SPTBN5: variants seen among roughly 807,000 people sequenced by gnomAD.
SPTBN5 encodes the protein spectrin beta chain, non-erythrocytic 5.
A neutral mutation model predicts 477.6 loss-of-function variants in SPTBN5; 513 were observed. That is an observed-to-expected ratio of 1.07 (90% CI 1.00 to 1.16). The LOEUF is 1.16. SPTBN5 is among the 50% of genes most tolerant of loss of function. SPTBN5 has a pLI of 0.00. For missense variants in SPTBN5, 5,062 were observed against 4,731.8 expected, an observed-to-expected ratio of 1.07 and a Z score of -2.05; for synonymous variants, 2,169 against 2,011.7, an observed-to-expected ratio of 1.08 and a Z score of -2.09.
rs373502454 is a variant in SPTBN5 at position 41,868,568 on chromosome 15, G to T, written c.5887C>A (p.Arg1963Ser). 1.2e-6 allele frequency: 2 copies of T among 1,601,906 alleles called. No individual in the cohort carries two copies. The highest frequency in any genetic ancestry group is 2.2e-5 in the East Asian group (1 of 44,870). ...RDYASWAARV[R>S]QDLQVEESSQ... is the part of the protein sequence containing the mutation. ...CTCTCCTCCACCTGCAGGTCCTGGCGCACGCGGGCTGCCCAGGAGGCATAG... is the reference window on the plus strand; with the variant it reads ...CTCTCCTCCACCTGCAGGTCCTGGCTCACGCGGGCTGCCCAGGAGGCATAG... The change falls in exon 33 of 68, where the codon CGC becomes AGC. Residue 1963 changes from arginine to serine, a missense_variant. Arg to Ser is a moderately radical substitution (Grantham distance 110). Transcript: ENST00000320955.
chr15:41,875,715 G>A (rs2066701691), intron 21 of SPTBN5, 93 bp from the exon 22 acceptor site: 1 of 1,331,760 alleles, frequency 7.5e-7, no homozygotes, highest in African/African-American at 1.5e-5. Flanking sequence ...GTGGAGGTGA[G>A]GGGGTGACCA....
In SPTBN5 at chr15:41,893,075, AG is replaced by A. The variant is rs774650736; in HGVS notation, c.217-15del. On this transcript the variant is annotated splice_polypyrimidine_tract_variant and intron_variant, in intron 2 of 67. Coordinates refer to ENST00000320955, the MANE Select transcript of SPTBN5 (RefSeq NM_016642.4). ...CTTGATGCCCGCCTGGGGAGGGGAC[AG>A]GGGTAAGTATGGGGTCAGCCCAGCC... is the stretch of plus-strand genomic sequence containing the variant. 1 of 1,608,426 alleles carries A rather than the reference AG, an allele frequency of 6.2e-7. No individual in the cohort carries two copies. The highest frequency in any genetic ancestry group is 2.2e-5 in the East Asian group (1 of 44,806).
At chr15:41,852,501 C>G in intron 61 of SPTBN5, 133 bp downstream of exon 61, 1 of 1,301,074 alleles carries the variant, frequency 7.7e-7, no homozygotes, top group Non-Finnish European at 1.1e-6. Context: ...CTCCCACCAC[C>G]GCAGCTGGCC....
chr15:41,882,363 T>C lies in SPTBN5; in HGVS notation c.2153A>G (p.Glu718Gly). 6.5e-7 allele frequency: 1 copy of C among 1,535,906 alleles called. No individual in the cohort carries two copies. Residue 718 changes from glutamate to glycine, a missense_variant, in exon 11 of 68, where the codon GAA (glutamate) becomes GGA (glycine). Glu to Gly is a moderately conservative substitution (Grantham distance 98, BLOSUM62 -2). Coordinates refer to ENST00000320955, the MANE Select transcript of SPTBN5 (RefSeq NM_016642.4). The stretch of plus-strand genomic sequence containing the variant: ...CCCTCCCTGAACGGCCTCTGCCCGT[T>C]CCCCGGGATCCGGCTGCGTTGGGGG... ...RRPPTQPDPGERAEAVQGGWQ... is the reference protein window; with the variant it reads ...RRPPTQPDPGGRAEAVQGGWQ...
At chr15:41,880,867 T>A (rs2140958405) in intron 13 of SPTBN5, among the ~76,000 whole-genome samples, 167 bp downstream of exon 13, 1 of 152,300 alleles carries the variant, frequency 6.6e-6, no homozygotes, top group East Asian at 1.9e-4. Flanking sequence ...TCTCATGTGA[T>A]CCCATCACAC....
At chr15:41,881,309 T>C (rs2066943966) in intron 12 of SPTBN5, 75 bp from the exon 13 acceptor site, 6 of 1,286,262 alleles carry the variant, frequency 4.7e-6, no homozygotes, top group Non-Finnish European at 6.5e-6. Flanking sequence ...CACCCCTACC[T>C]CCGTGCCCTG....
At position 41,858,687 on chromosome 15, in the gene SPTBN5, G is replaced by A. The variant is rs766823821; in HGVS notation, c.8141C>T (p.Ala2714Val). 1.9e-6 allele frequency: 3 copies of A among 1,610,124 alleles called. No individual in the cohort carries two copies. The highest frequency in any genetic ancestry group is 1.7e-4 in the Middle Eastern group (1 of 6,058). The change falls in exon 49 of 68, where the codon GCC (alanine) becomes GTC (valine). Residue 2714 changes from alanine to valine, a missense_variant. Ala to Val is a moderately conservative substitution (Grantham distance 64, BLOSUM62 0). Coordinates refer to ENST00000320955, the MANE Select transcript of SPTBN5 (RefSeq NM_016642.4). Reference protein sequence around the residue: ...VALEEGLLDTAMLPAQLQKQQ... With the variant: ...VALEEGLLDTVMLPAQLQKQQ... ...CTTCTGTAACTGTGCTGGCAGCATGGCTGTGTCCAGCAAACCCTCCTCCAA... is the reference window on the plus strand; with the variant it reads ...CTTCTGTAACTGTGCTGGCAGCATGACTGTGTCCAGCAAACCCTCCTCCAA...
intron 6 of SPTBN5, 137 bp downstream of exon 6, chr15:41,887,076 C>G (rs1345767173): frequency 1.3e-6 from 1 of 754,730 alleles, no homozygotes; most frequent in Non-Finnish European, 2.3e-6. Flanking sequence ...TCATCATCTC[C>G]ATGTGATAGA....
chr15:41,883,670 G>C (rs1215172253), intron 7 of SPTBN5, among the ~76,000 whole-genome samples, 184 bp from the exon 8 acceptor site: 2 of 152,220 alleles, frequency 1.3e-5, no homozygotes, highest in Admixed American at 1.3e-4. Context: ...CCTACCTTTG[G>C]ACACATGCAG....
In SPTBN5 at chr15:41,878,219, C is replaced by A. The variant is rs568083265; in HGVS notation, c.3470+123G>T. 45 of 1,204,244 alleles carry A rather than the reference C, an allele frequency of 3.7e-5. No individual in the cohort carries two copies. In the South Asian group the frequency reaches 6.5e-4, roughly 17 times the overall value. The allele number at this position is 1,204,244 out of a possible 1,614,324, so 74.6% of individuals were successfully genotyped here. ...CCTCAAGCAGCATGCCAGACACCAACCAGTCTGGGCCCCTCCCTGGGGAAA... is the reference window on the plus strand; with the variant it reads ...CCTCAAGCAGCATGCCAGACACCAAACAGTCTGGGCCCCTCCCTGGGGAAA... On this transcript the variant is annotated intron_variant, in intron 17 of 67. Coordinates refer to ENST00000320955, the MANE Select transcript of SPTBN5 (RefSeq NM_016642.4).
chr15:41,867,869 A>T lies in SPTBN5; in HGVS notation c.6207+200T>A, dbSNP rs140063162. On this transcript the variant is annotated intron_variant, in intron 34 of 67. Coordinates refer to ENST00000320955, the MANE Select transcript of SPTBN5 (RefSeq NM_016642.4). ...CCTCTGGCCAACTTCCTCGGGGCTC[A>T]GTCTGGGATAGGGGCTGGGGATGTC... Among the ~76,000 whole-genome samples, 132 of 152,340 alleles carry T rather than the reference A, an allele frequency of 8.7e-4. 1 individual carries two copies. The highest frequency in any genetic ancestry group is 3.0e-3 in the African/African-American group (125 of 41,590).
Position 41,868,609 on chromosome 15 carries a change from C to T in SPTBN5, c.5854-8G>A, listed in dbSNP as rs769689723. On this transcript the variant is annotated splice_region_variant and splice_polypyrimidine_tract_variant and intron_variant, in intron 32 of 67. Transcript: ENST00000320955. ...GGAGGCATAGTCACGCACCTGATCC[C>T]GGGGACACGGAGGGAGAGCCGGGTG... 25 of 1,597,202 alleles carry T rather than the reference C, an allele frequency of 1.6e-5. No individual in the cohort carries two copies. Among genetic ancestry groups the T allele is most frequent in the East Asian group, 1.1e-4 (5 of 44,798 alleles).
rs552609664 is a variant in SPTBN5, at chr15:41,880,968, G to A, written c.2658+66C>T. ...TGTCAGTCACTGCCTTGTCCCCTGG[G>A]ATCACTGCACAGGAGCTGCTGGCAC... On this transcript the variant is annotated intron_variant, in intron 13 of 67. Coordinates refer to ENST00000320955, the MANE Select transcript of SPTBN5 (RefSeq NM_016642.4). 230 of 1,398,014 alleles carry A rather than the reference G, an allele frequency of 1.6e-4. 1 individual carries two copies. The African/African-American group carries it at 3.1e-3, about 19-fold the overall frequency. 86.6% of individuals were successfully genotyped at this position (1,398,014 alleles called of 1,614,324 possible). A position where few individuals can be genotyped will look rare whatever the true frequency, so the allele number is the denominator to read the frequency against.
Position 41,881,945 on chromosome 15 carries a change from C to T in SPTBN5, c.2448G>A (p.Ser816=), listed in dbSNP as rs752605042. The T allele has an allele frequency of 5.2e-6, 8 of 1,528,850 alleles. No homozygotes were observed. Among genetic ancestry groups the T allele is most frequent in the Admixed American group, 2.0e-5 (1 of 50,906 alleles). The allele number at this position is 1,528,850 out of a possible 1,614,324, so 94.7% of individuals were successfully genotyped here. Reference sequence around the variant, plus strand: ...CTGTCCCCGTCCTCACCGTGAATAACGACGCCCGGGCCGAGGCCGCCCGCC... The same window carrying T: ...CTGTCCCCGTCCTCACCGTGAATAATGACGCCCGGGCCGAGGCCGCCCGCC... ...EQGRAASARA[S]LFTVNSALSP... The change falls in exon 12 of 68, where the codon TCG becomes TCA. Residue 816 remains serine (S), a synonymous_variant. Transcript: ENST00000320955.
At chr15:41,890,461 G>T (rs1035004911) in intron 3 of SPTBN5, among the ~76,000 whole-genome samples, 1 of 152,384 alleles carries the variant, frequency 6.6e-6, no homozygotes, top group South Asian at 2.1e-4. Context: ...CTCAGAGCAG[G>T]AGGACTCCCT....
chr15:41,869,895 C>T lies in SPTBN5; in HGVS notation c.5799G>A (p.Glu1933=). 1 of 1,554,232 alleles carries T rather than the reference C, an allele frequency of 6.4e-7. No homozygotes were observed. Residue 1933 remains glutamate, a synonymous_variant, in exon 32 of 68, where the codon GAG becomes GAA. Coordinates refer to ENST00000320955, the MANE Select transcript of SPTBN5 (RefSeq NM_016642.4). ...QAWAVLQRRM[E]QRRAQLERAR... is the part of the protein sequence containing the mutation. ...CCCGCTCCAGCTGGGCCCTGCGCTG[C>T]TCCATGCGTCGCTGCAGCACTGCCC...
At chr15:41,891,722 C>A (rs1007308697) in intron 3 of SPTBN5, among the ~76,000 whole-genome samples, 1 of 152,180 alleles carries the variant, frequency 6.6e-6, no homozygotes, top group Non-Finnish European at 1.5e-5. Flanking sequence ...CTTAGTGGAG[C>A]CCAGCGCCTG....
chr15:41,862,794 ACCTGGG>A lies in SPTBN5; in HGVS notation c.7253_7258del (p.Ala2418_Gln2419del). ...GCTCTACAGCCAGCTACGCACCTCC[ACCTGGG>A]CCTGGATGGGGTGCACTTCCCGCTC... On this transcript the variant is annotated inframe_deletion, in exon 42 of 68. Transcript: ENST00000320955. The A allele has an allele frequency of 1.3e-6, 2 of 1,569,052 alleles. No individual in the cohort carries two copies. The highest frequency in any genetic ancestry group is 1.7e-6 in the Non-Finnish European group (2 of 1,158,676).
Position 41,878,657 on chromosome 15 carries a change from A to C in SPTBN5, c.3183-28T>G. ...GGGAGACAGGGTGCGCTGCACAGTC[A>C]GTGCCCTGTCCTGGGCCTGGTGCCC... On this transcript the variant is annotated intron_variant, in intron 16 of 67. Coordinates refer to ENST00000320955, the MANE Select transcript of SPTBN5 (RefSeq NM_016642.4). The C allele has an allele frequency of 1.9e-6, 3 of 1,595,276 alleles. No individual in the cohort carries two copies. In the East Asian group the frequency reaches 6.8e-5, roughly 36 times the overall value.
Sources: allele counts gnomAD v4.1 joint callset (sites outside exome capture counted in the v4.1 genomes callset), GRCh38; gene constraint gnomAD v4.1.1; transcripts MANE v1.5; gene names NCBI Gene and HGNC (gene_info 2026-07-23, HGNC 2026-07-21).